The following CACNA2D3 variants were observed in gnomAD, a reference collection of about 807,000 sequenced individuals.
CACNA2D3 encodes the protein voltage-dependent calcium channel subunit alpha-2/delta-3.
In CACNA2D3, 60 loss-of-function variants were observed where a neutral mutation model predicts 160.6. The ratio of observed to expected loss-of-function variants is 0.37; its 90% CI spans 0.30 to 0.46. The LOEUF (loss-of-function observed/expected upper bound fraction) is 0.46. Ranked by LOEUF, CACNA2D3 falls within the 20% of genes least tolerant of loss-of-function variation. CACNA2D3 has a pLI of 1.00. For missense variants in CACNA2D3, 1,205 were observed against 1,365.0 expected, an observed-to-expected ratio of 0.88 and a Z score of 1.85; for synonymous variants, 558 against 492.9, an observed-to-expected ratio of 1.13 and a Z score of -1.75.
chr3:54,843,293 T>C (rs1392636963), intron 16 of CACNA2D3, among the ~76,000 whole-genome samples: 1 of 151,946 alleles, frequency 6.6e-6, no homozygotes, highest in Admixed American at 6.6e-5. Context: ...AGAGTAAACA[T>C]AGTGATGATG....
At chr3:54,437,545 AG>A (rs1700079216) in intron 4 of CACNA2D3, among the ~76,000 whole-genome samples, 1 of 152,246 alleles carries the variant, frequency 6.6e-6, no homozygotes, top group Non-Finnish European at 1.5e-5. Flanking sequence ...TAAGAGACTC[AG>A]ATGCATTCCT....
At chr3:54,419,381 G>T (rs558462131) in intron 4 of CACNA2D3, among the ~76,000 whole-genome samples, 1 of 152,350 alleles carries the variant, frequency 6.6e-6, no homozygotes, top group Admixed American at 6.5e-5. Flanking sequence ...CGCTAGGCCA[G>T]CTGACTGCTC....
At chr3:54,768,304 T>C (rs987068478) in intron 13 of CACNA2D3, among the ~76,000 whole-genome samples, 2 of 152,194 alleles carry the variant, frequency 1.3e-5, no homozygotes, top group Admixed American at 1.3e-4. Context: ...ATTGTGTGCC[T>C]GCAGAGAAAG....
chr3:54,367,772 G>T (rs1350126706), intron 3 of CACNA2D3, among the ~76,000 whole-genome samples: 2 of 152,062 alleles, frequency 1.3e-5, no homozygotes, highest in African/African-American at 4.8e-5. Flanking sequence ...GAGTTTTTTG[G>T]GTTATGTTCC....
At chr3:54,759,223 T>A (rs1702036338) in intron 12 of CACNA2D3, among the ~76,000 whole-genome samples, 1 of 152,188 alleles carries the variant, frequency 6.6e-6, no homozygotes, top group Non-Finnish European at 1.5e-5. Context: ...CCTTGGTAAT[T>A]ACCGAATCAT....
rs140927505 is a variant in CACNA2D3, at chr3:54,726,160, A to T, written c.1168-26439A>T. Among the ~76,000 whole-genome samples, 770 of 152,310 alleles carry T rather than the reference A, an allele frequency of 5.1e-3. 12 individuals are homozygous for T. Among genetic ancestry groups the T allele is most frequent in the African/African-American group, 0.018 (739 of 41,562 alleles). On this transcript the variant is annotated intron_variant, in intron 11 of 37. Transcript: ENST00000474759. ...AAATCATGAGTGAACTCCCATTCAC[A>T]ATTGCTACTAAGAGAATAAAATACT...
chr3:54,763,455 T>C (rs912390368), intron 12 of CACNA2D3, among the ~76,000 whole-genome samples: 13 of 152,142 alleles, frequency 8.5e-5, no homozygotes, highest in African/African-American at 2.9e-4. Flanking sequence ...ATAACTATTA[T>C]TGTTATGTTT....
At position 54,673,558 on chromosome 3, in the gene CACNA2D3, G is replaced by C. The variant is rs527476745; in HGVS notation, c.1167+31317G>C. ...GAAATCTGTAAGTCTCAAAAACTTA[G>C]ATGAGTTAATGACTGCACTGCCTCA... On this transcript the variant is annotated intron_variant, in intron 11 of 37. Coordinates refer to ENST00000474759, the MANE Select transcript of CACNA2D3 (RefSeq NM_018398.3). Among the ~76,000 whole-genome samples, 8 of 152,260 alleles carry C rather than the reference G, an allele frequency of 5.3e-5. No homozygotes were observed. The South Asian group carries it at 1.7e-3, about 32-fold the overall frequency.
chr3:54,839,303 A>G (rs1398032380), intron 16 of CACNA2D3, among the ~76,000 whole-genome samples: 1 of 152,162 alleles, frequency 6.6e-6, no homozygotes, highest in African/African-American at 2.4e-5. Context: ...GACCCCATCC[A>G]GAAAACTCTC....
At chr3:54,813,245 C>G (rs1028501954) in intron 13 of CACNA2D3, among the ~76,000 whole-genome samples, 3 of 152,186 alleles carry the variant, frequency 2.0e-5, no homozygotes, top group Admixed American at 6.5e-5. Context: ...GTCCAGACCC[C>G]TCATGGAGTA....
At chr3:54,641,672 C>T (rs954877146) in intron 10 of CACNA2D3, among the ~76,000 whole-genome samples, 6 of 152,192 alleles carry the variant, frequency 3.9e-5, no homozygotes, top group African/African-American at 1.2e-4. Context: ...ATCTGCCTTT[C>T]AGTGCTATGC....
chr3:54,221,756 T>C (rs913330661), intron 2 of CACNA2D3, among the ~76,000 whole-genome samples: 2 of 152,242 alleles, frequency 1.3e-5, no homozygotes, highest in African/African-American at 4.8e-5. Flanking sequence ...TTATAATAAC[T>C]AATGGAGTGT....
intron 4 of CACNA2D3, among the ~76,000 whole-genome samples, chr3:54,483,869 A>G (rs1470586464): frequency 6.6e-6 from 1 of 152,252 alleles, no homozygotes; most frequent in African/African-American, 2.4e-5. Flanking sequence ...AAGACAATGT[A>G]TGATATAGGT....
chr3:54,545,350 C>T (rs1020955093), intron 5 of CACNA2D3, among the ~76,000 whole-genome samples: 1 of 152,174 alleles, frequency 6.6e-6, no homozygotes, highest in African/African-American at 2.4e-5. Flanking sequence ...TTTCTGAAGG[C>T]CTGTCCTTGT....
At chr3:55,059,089 G>T (rs55952036) in intron 35 of CACNA2D3, among the ~76,000 whole-genome samples, 5,908 of 152,232 alleles carry the variant, frequency 0.039, 182 homozygotes, top group South Asian at 0.063. Context: ...GACTTTGCCA[G>T]ATCACATAAA....
chr3:54,165,614 A>AAAG (rs1700438669), intron 2 of CACNA2D3, among the ~76,000 whole-genome samples: 1 of 132,574 alleles, frequency 7.5e-6, no homozygotes, highest in Admixed American at 7.9e-5. Context: ...AAAAAAAAAA[A>AAAG]AAAAAGAAAA....
At chr3:54,954,862 CAG>C (rs1701842964) in intron 27 of CACNA2D3, among the ~76,000 whole-genome samples, 2 of 152,326 alleles carry the variant, frequency 1.3e-5, no homozygotes, top group South Asian at 4.1e-4. Flanking sequence ...AACTGGGTTT[CAG>C]AGTTATTTCT....
At chr3:54,551,453 C>T (rs1425334264) in intron 5 of CACNA2D3, among the ~76,000 whole-genome samples, 1 of 152,126 alleles carries the variant, frequency 6.6e-6, no homozygotes, top group African/African-American at 2.4e-5. Flanking sequence ...ATTTAATACC[C>T]TTTGGGTGGG....
intron 2 of CACNA2D3, among the ~76,000 whole-genome samples, chr3:54,288,206 A>G (rs1231370827): frequency 2.0e-5 from 3 of 152,212 alleles, no homozygotes; most frequent in Non-Finnish European, 2.9e-5. Context: ...AGAGAGAAGA[A>G]TCAAACAGAT....
Sources: gnomAD v4.1 joint callset for allele counts (sites outside exome capture counted in the v4.1 genomes callset) on GRCh38, gnomAD v4.1.1 for gene constraint, MANE v1.5 for transcripts, NCBI Gene and HGNC (gene_info 2026-07-23, HGNC 2026-07-21) for gene names.